The following SNTB2 variants were observed in gnomAD, a reference collection of about 807,000 sequenced individuals.
SNTB2 encodes the protein syntrophin beta 2, also known as beta-2-syntrophin.
SNTB2 carries 34 observed loss-of-function variants against 46.2 expected under a neutral mutation model. The ratio of observed to expected loss-of-function variants is 0.74; its 90% CI spans 0.56 to 0.98. The LOEUF is 0.98. SNTB2 is among the 50% of genes least tolerant of loss of function. SNTB2 has a pLI of 0.00. For missense variants in SNTB2, 603 were observed against 731.4 expected (o/e 0.82, Z 2.02); for synonymous variants, 290 against 312.6 (o/e 0.93, Z 0.76).
At chr16:69,249,081 A>G (rs1964700802) in intron 2 of SNTB2, among the ~76,000 whole-genome samples, 1 of 149,688 alleles carries the variant, frequency 6.7e-6, no homozygotes, top group East Asian at 2.0e-4. Flanking sequence ...GCTAGAGTAC[A>G]ATGGCCTGGT....
At chr16:69,299,421 G>T (rs558600002) in intron 5 of SNTB2, among the ~76,000 whole-genome samples, 169 bp from the exon 6 acceptor site, 2 of 152,150 alleles carry the variant, frequency 1.3e-5, no homozygotes, top group Non-Finnish European at 2.9e-5. Context: ...GATTACAGGC[G>T]TGAGCCACCA....
At chr16:69,238,497 A>T (rs1964579482) in intron 1 of SNTB2, among the ~76,000 whole-genome samples, 1 of 152,176 alleles carries the variant, frequency 6.6e-6, no homozygotes, top group African/African-American at 2.4e-5. Context: ...CAGTGATCTT[A>T]TCCAGTTTCA....
At chr16:69,232,223 TGAGATGGAGTCTTGCTCTTTCACC>T (rs1308529313) in intron 1 of SNTB2, among the ~76,000 whole-genome samples, 2 of 143,478 alleles carry the variant, frequency 1.4e-5, no homozygotes, top group African/African-American at 2.6e-5. Context: ...TTTTTTTTTT[TGAGATGGAGTCTTGCTCTTTCACC>T]CAGGCTGGAG....
At chr16:69,298,162 G>A (rs528940129) in intron 5 of SNTB2, among the ~76,000 whole-genome samples, 2 of 152,096 alleles carry the variant, frequency 1.3e-5, no homozygotes, top group Non-Finnish European at 2.9e-5. Flanking sequence ...GTTCTCTAGC[G>A]CCTGGCCTCA....
chr16:69,195,444 T>C (rs76137656), intron 1 of SNTB2, among the ~76,000 whole-genome samples: 2 of 115,640 alleles, frequency 1.7e-5, no homozygotes, highest in African/African-American at 5.7e-5. Flanking sequence ...CTGGTTTGCA[T>C]TTTTTTTTTT....
At chr16:69,240,060 G>A (rs1277845991) in intron 1 of SNTB2, among the ~76,000 whole-genome samples, 1 of 152,094 alleles carries the variant, frequency 6.6e-6, no homozygotes, top group African/African-American at 2.4e-5. Context: ...TCCAGCTGTG[G>A]TACTTACGAA....
intron 5 of SNTB2, among the ~76,000 whole-genome samples, chr16:69,292,417 AT>A (rs1439149320): frequency 0.082 from 1,414 of 17,282 alleles, 245 homozygotes; most frequent in African/African-American, 0.11. Flanking sequence ...TTATATATAT[AT>A]TATATATATA....
At chr16:69,226,779 C>A (rs1964463402) in intron 1 of SNTB2, among the ~76,000 whole-genome samples, 1 of 152,198 alleles carries the variant, frequency 6.6e-6, no homozygotes, top group African/African-American at 2.4e-5. Context: ...AATCCTTCTG[C>A]CTTGGCCTCA....
intron 1 of SNTB2, among the ~76,000 whole-genome samples, chr16:69,238,961 T>G (rs1964583513): frequency 6.6e-6 from 1 of 152,178 alleles, no homozygotes; most frequent in East Asian, 1.9e-4. Context: ...TGCCATGACC[T>G]AAAAGGCCGT....
At chr16:69,248,313 G>A (rs1964690708) in intron 2 of SNTB2, among the ~76,000 whole-genome samples, 1 of 152,048 alleles carries the variant, frequency 6.6e-6, no homozygotes, top group South Asian at 2.1e-4. Flanking sequence ...ATCTTTAAAG[G>A]AATTTTATAT....
chr16:69,210,648 G>T (rs1340361097), intron 1 of SNTB2, among the ~76,000 whole-genome samples: 1 of 151,788 alleles, frequency 6.6e-6, no homozygotes, highest in Non-Finnish European at 1.5e-5. Flanking sequence ...CAGCCTCCCA[G>T]GTAGCTGAAA....
At chr16:69,217,465 C>T (rs1964360440) in intron 1 of SNTB2, among the ~76,000 whole-genome samples, 1 of 151,846 alleles carries the variant, frequency 6.6e-6, no homozygotes, top group Non-Finnish European at 1.5e-5. Context: ...AGAGCAAGAC[C>T]CTGTCTCAAA....
chr16:69,242,578 GCA>G (rs1304803447), intron 1 of SNTB2, among the ~76,000 whole-genome samples: 7 of 152,090 alleles, frequency 4.6e-5, no homozygotes, highest in African/African-American at 1.7e-4. Context: ...CTGTATATAA[GCA>G]CTATTGATAT....
intron 1 of SNTB2, among the ~76,000 whole-genome samples, chr16:69,188,003 C>G (rs896256996): frequency 2.0e-5 from 3 of 152,192 alleles, no homozygotes; most frequent in Non-Finnish European, 2.9e-5. Context: ...GAAGCCCCAC[C>G]TCGGCCCGAT....
intron 3 of SNTB2, among the ~76,000 whole-genome samples, chr16:69,269,178 G>GA (rs976898827): frequency 1.3e-4 from 19 of 142,926 alleles, no homozygotes; most frequent in East Asian, 4.0e-4. Flanking sequence ...TCAAAAAGAA[G>GA]AAAAAAAAAA....
chr16:69,236,465 C>T (rs1246454598), intron 1 of SNTB2, among the ~76,000 whole-genome samples: 1 of 151,972 alleles, frequency 6.6e-6, no homozygotes, highest in Non-Finnish European at 1.5e-5. Context: ...TTCATAAGGA[C>T]AGAAAGTAGA....
chr16:69,293,317 C>T (rs1295092372), intron 5 of SNTB2, among the ~76,000 whole-genome samples: 2 of 152,126 alleles, frequency 1.3e-5, no homozygotes, highest in African/African-American at 2.4e-5. Flanking sequence ...CCCTGAAACA[C>T]ATTAGGACAC....
At chr16:69,194,465 A>G (rs1964084539) in intron 1 of SNTB2, among the ~76,000 whole-genome samples, 1 of 152,218 alleles carries the variant, frequency 6.6e-6, no homozygotes, top group East Asian at 1.9e-4. Flanking sequence ...ACAATAGACA[A>G]TTGCCGGCTG....
chr16:69,217,645 T>C (rs1436989655), intron 1 of SNTB2, among the ~76,000 whole-genome samples: 1 of 152,308 alleles, frequency 6.6e-6, no homozygotes, highest in South Asian at 2.1e-4. Context: ...ATACAAATAG[T>C]GCTTTATGAT....
Sources: allele counts gnomAD v4.1 joint callset (sites outside exome capture counted in the v4.1 genomes callset), GRCh38; gene constraint gnomAD v4.1.1; transcripts MANE v1.5; gene names NCBI Gene and HGNC (gene_info 2026-07-23, HGNC 2026-07-21).